The following DEPDC5 variants were observed in gnomAD, a reference collection of about 807,000 sequenced individuals.
DEPDC5 encodes the protein GATOR1 complex protein DEPDC5.
A neutral mutation model predicts 217.3 loss-of-function variants in DEPDC5; 73 were observed. The observed-to-expected ratio is 0.34, with a 90% CI of 0.28 to 0.41. The LOEUF (loss-of-function observed/expected upper bound fraction) is 0.41, where lower values mean the gene tolerates loss of function less well. Ranked by LOEUF, DEPDC5 falls within the 10% of genes least tolerant of loss-of-function variation. DEPDC5 has a pLI of 1.00. For synonymous variants in DEPDC5, 733 were observed against 756.7 expected (o/e 0.97, Z 0.51); for missense variants, 1,675 against 2,070.1 (o/e 0.81, Z 3.70).
chr22:31,757,499 A>G (rs1179387999), intron 2 of DEPDC5: 2 of 152,192 alleles, frequency 1.3e-5, no homozygotes, highest in East Asian at 3.8e-4. Context: ...CCTTATCTCT[A>G]AAAGAAAACA....
At chr22:31,833,813 A>T (rs1254636807) in intron 24 of DEPDC5, 102 bp from the exon 25 acceptor site, 1 of 971,656 alleles carries the variant, frequency 1.0e-6, no homozygotes, top group Non-Finnish European at 1.5e-6. Context: ...CTTGGTTTAC[A>T]TTTTTATTTT....
intron 12 of DEPDC5, 110 bp downstream of exon 12, chr22:31,792,927 A>C: frequency 1.0e-6 from 1 of 958,088 alleles, no homozygotes; most frequent in Non-Finnish European, 1.4e-6. Context: ...TCTACCAAAA[A>C]TACAAAAAAT....
intron 33 of DEPDC5, among the ~76,000 whole-genome samples, chr22:31,865,747 G>A (rs1233419046): frequency 6.6e-6 from 1 of 152,198 alleles, no homozygotes; most frequent in Admixed American, 6.5e-5. Flanking sequence ...CATGAGGGCA[G>A]AGAGAAGGTT....
At chr22:31,807,358 A>G (rs922435211) in intron 18 of DEPDC5, among the ~76,000 whole-genome samples, 23 of 152,236 alleles carry the variant, frequency 1.5e-4, no homozygotes, top group Admixed American at 1.3e-3. Flanking sequence ...GAAATATGAA[A>G]TATCCACTTG....
chr22:31,805,039 A>G, intron 17 of DEPDC5, 124 bp downstream of exon 17: 1 of 857,638 alleles, frequency 1.2e-6, no homozygotes, highest in East Asian at 2.6e-5. Context: ...TGTGGAAACC[A>G]AGTTCTAACA....
chr22:31,832,660 A>G (rs1371842698), intron 24 of DEPDC5, among the ~76,000 whole-genome samples: 1 of 151,980 alleles, frequency 6.6e-6, no homozygotes, highest in East Asian at 1.9e-4. Flanking sequence ...CTGGCAAATC[A>G]CTGTGCTTTT....
chr22:31,874,757 A>G lies in DEPDC5; in HGVS notation c.3696+352A>G, dbSNP rs183266840. Among the ~76,000 whole-genome samples, 8 of 152,248 alleles carry G rather than the reference A, an allele frequency of 5.3e-5. No individual in the cohort carries two copies. In the East Asian group the frequency reaches 1.4e-3, roughly 26 times the overall value. On this transcript the variant is annotated intron_variant, in intron 36 of 42. Coordinates refer to ENST00000651528, the MANE Select transcript of DEPDC5 (RefSeq NM_001242896.3). ...TCAATGCATGCTTATTCAAGACTCA[A>G]TGCTGGATTCAAGGCTCTGACCCAG...
chr22:31,884,618 G>A (rs540601148), intron 38 of DEPDC5, among the ~76,000 whole-genome samples: 26 of 152,104 alleles, frequency 1.7e-4, no homozygotes, highest in East Asian at 1.2e-3. Flanking sequence ...TATAGCATTC[G>A]GGTCTCAGCC....
intron 27 of DEPDC5, among the ~76,000 whole-genome samples, chr22:31,841,323 C>T (rs915776873): frequency 6.6e-6 from 1 of 152,224 alleles, no homozygotes; most frequent in Non-Finnish European, 1.5e-5. Context: ...TCCTCTTGAC[C>T]GCTCACATGC....
intron 12 of DEPDC5, among the ~76,000 whole-genome samples, chr22:31,793,046 G>A (rs1338888492): frequency 1.3e-5 from 2 of 151,242 alleles, no homozygotes; most frequent in Non-Finnish European, 2.9e-5. Context: ...CACCAACCTG[G>A]GAGAGAGTGA....
chr22:31,842,575 C>CAAAAAA (rs56671305), intron 27 of DEPDC5, among the ~76,000 whole-genome samples: 2 of 73,486 alleles, frequency 2.7e-5, no homozygotes. Context: ...AACTCCATCT[C>CAAAAAA]AAAAAAAAAA....
Position 31,760,762 on chromosome 22 carries a change from ATC to A in DEPDC5, c.193+66_193+67del, listed in dbSNP as rs2082320681. The A allele has an allele frequency of 2.9e-5, 40 of 1,373,736 alleles. No homozygotes were observed. In the South Asian group the frequency reaches 3.8e-4, roughly 13 times the overall value. 85.1% of individuals were successfully genotyped at this position (1,373,736 alleles called of 1,614,324 possible). ...TTTACTGCCTCAGAAACTGTAAGAA[ATC>A]TCTCTTCATAATTTCAAGGGATGAG... is the stretch of plus-strand genomic sequence containing the variant. On this transcript the variant is annotated intron_variant, in intron 4 of 42. Coordinates refer to ENST00000651528, the MANE Select transcript of DEPDC5 (RefSeq NM_001242896.3).
Position 31,906,033 on chromosome 22 carries a change from G to A in DEPDC5, c.4486G>A (p.Ala1496Thr). ...TTCTGCCTCTGCTTTTAACTTCCCT[G>A]CTGAGAACAAGCCTCAGTATATCCA... ...KYSASAFNFPAENKPQYIHVT... is the reference protein window; with the variant it reads ...KYSASAFNFPTENKPQYIHVT... The change falls in exon 42 of 43, where the codon GCT becomes ACT. Residue 1496 changes from alanine to threonine, a missense_variant. By Grantham distance (58) the Ala-to-Thr change is moderately conservative (BLOSUM62 0). Transcript: ENST00000651528. The surrounding 1 kb of genome is among the most constrained non-coding windows in gnomAD (Gnocchi z 5.1). The A allele has an allele frequency of 6.2e-7, 1 of 1,614,168 alleles. No homozygotes were observed. Among genetic ancestry groups the A allele is most frequent in the Non-Finnish European group, 8.5e-7 (1 of 1,180,038 alleles).
At chr22:31,795,758 T>C (rs2148549408) in intron 12 of DEPDC5, among the ~76,000 whole-genome samples, 1 of 151,680 alleles carries the variant, frequency 6.6e-6, no homozygotes, top group South Asian at 2.1e-4. Context: ...GAGTCGGAGT[T>C]TCGCTCTTGT....
chr22:31,765,161 C>G (rs2082707755), intron 5 of DEPDC5, 101 bp downstream of exon 5: 1 of 925,462 alleles, frequency 1.1e-6, no homozygotes, highest in African/African-American at 1.6e-5. Flanking sequence ...GTAGTGTTAG[C>G]CTATTAAATG....
chr22:31,779,671 A>T (rs995782062), intron 8 of DEPDC5, among the ~76,000 whole-genome samples: 1 of 152,220 alleles, frequency 6.6e-6, no homozygotes, highest in Non-Finnish European at 1.5e-5. Context: ...TTTGTTGAAT[A>T]AAACCCTCCA....
intron 38 of DEPDC5, among the ~76,000 whole-genome samples, chr22:31,889,691 C>T (rs1271214241): frequency 1.3e-5 from 2 of 151,962 alleles, no homozygotes; most frequent in African/African-American, 4.8e-5. Context: ...CAGGCACCCG[C>T]CACCATGCCC....
At chr22:31,754,832 C>T in intron 1 of DEPDC5, 30 bp from the exon 2 acceptor site, 1 of 1,485,138 alleles carries the variant, frequency 6.7e-7, no homozygotes, top group Non-Finnish European at 9.4e-7. Context: ...ATCTGACATT[C>T]CAACCTTTTC....
intron 31 of DEPDC5, among the ~76,000 whole-genome samples, chr22:31,849,989 C>T (rs2091943898): frequency 6.6e-6 from 1 of 151,878 alleles, no homozygotes; most frequent in Admixed American, 6.6e-5. Flanking sequence ...CATGGTGGCG[C>T]ATGCCTGTAA....
Sources: gnomAD v4.1 joint callset for allele counts (sites outside exome capture counted in the v4.1 genomes callset) on GRCh38, gnomAD v4.1.1 for gene constraint, Gnocchi (gnomAD v3.1) non-coding constraint, MANE v1.5 for transcripts, NCBI Gene and HGNC (gene_info 2026-07-23, HGNC 2026-07-21) for gene names.